Variants in DCAF10 observed in about 807,000 individuals in gnomAD.
DCAF10 encodes the protein DDB1- and CUL4-associated factor 10.
A neutral mutation model predicts 51.9 loss-of-function variants in DCAF10; 19 were observed. The ratio of observed to expected loss-of-function variants is 0.37; its 90% confidence interval spans 0.26 to 0.54. The LOEUF is 0.54. Among genes scored for constraint, DCAF10 ranks in the 20% least tolerant of loss-of-function variants. The pLI is 0.87. For synonymous variants in DCAF10, 291 were observed against 297.1 expected (o/e 0.98, Z 0.21); for missense variants, 510 against 730.6 (o/e 0.70, Z 3.48).
chr9:37,852,985 A>G (rs1830726991), intron 3 of DCAF10, among the ~76,000 whole-genome samples: 1 of 142,586 alleles, frequency 7.0e-6, no homozygotes, highest in Non-Finnish European at 1.5e-5. Flanking sequence ...TGATTTAGCT[A>G]TTCCACAATA....
intron 2 of DCAF10, among the ~76,000 whole-genome samples, chr9:37,840,618 T>C (rs1234112909): frequency 1.3e-5 from 2 of 152,212 alleles, no homozygotes; most frequent in Non-Finnish European, 2.9e-5. Flanking sequence ...TAAAAATTCA[T>C]GAAGTAAAAA....
chr9:37,807,298 A>AG (rs1272949432), intron 1 of DCAF10, among the ~76,000 whole-genome samples: 1 of 152,148 alleles, frequency 6.6e-6, no homozygotes, highest in Non-Finnish European at 1.5e-5. Flanking sequence ...GGGGCAACAT[A>AG]GGGAGACCTT....
chr9:37,831,819 G>A (rs1480479531), intron 2 of DCAF10, among the ~76,000 whole-genome samples: 4 of 152,022 alleles, frequency 2.6e-5, no homozygotes, highest in African/African-American at 4.8e-5. Context: ...CGTGGTGGCC[G>A]GCATCTGTAA....
At chr9:37,802,124 T>A (rs545836756) in intron 1 of DCAF10, among the ~76,000 whole-genome samples, 1 of 152,300 alleles carries the variant, frequency 6.6e-6, no homozygotes, top group Non-Finnish European at 1.5e-5. Flanking sequence ...ATGTAATTCT[T>A]ACCCCACCAA....
Position 37,835,667 on chromosome 9 carries a change from G to C in DCAF10, c.654-6422G>C, listed in dbSNP as rs537984820. ...GCAGGAGAATCGCTTGAACCCGGGAGGCGGAGGTTGCAGAGAGCTGAGAGT... is the reference window on the plus strand; with the variant it reads ...GCAGGAGAATCGCTTGAACCCGGGACGCGGAGGTTGCAGAGAGCTGAGAGT... On this transcript the variant is annotated intron_variant, in intron 2 of 6. Coordinates refer to ENST00000377724, the MANE Select transcript of DCAF10 (RefSeq NM_024345.5). Among the ~76,000 whole-genome samples, 11 of 152,176 alleles carry C rather than the reference G, an allele frequency of 7.2e-5. No individual in the cohort carries two copies. The East Asian group carries it at 2.1e-3, about 29-fold the overall frequency.
chr9:37,850,651 G>A (rs898124740), intron 3 of DCAF10, among the ~76,000 whole-genome samples: 1 of 150,646 alleles, frequency 6.6e-6, no homozygotes, highest in Non-Finnish European at 1.5e-5. Flanking sequence ...GGGAAACTTT[G>A]GTCAAAAAAT....
chr9:37,846,451 A>T (rs1188236343), intron 3 of DCAF10, among the ~76,000 whole-genome samples: 1 of 152,220 alleles, frequency 6.6e-6, no homozygotes, highest in Non-Finnish European at 1.5e-5. Context: ...TTGACTTAAG[A>T]TAAATAGAAA....
rs144524647 is a variant in DCAF10 at position 37,821,090 on chromosome 9, C to CATATATATAT, written c.653+1695_653+1704dup. The stretch of plus-strand genomic sequence containing the variant: ...CTAAGATAATTGTTGCATATACAAA[C>CATATATATAT]ATATATATATATATACACACACACA... On this transcript the variant is annotated intron_variant, in intron 2 of 6. Transcript: ENST00000377724. Among the ~76,000 whole-genome samples the CATATATATAT allele has an allele frequency of 9.0e-3, 1,357 of 150,392 alleles. 16 individuals are homozygous for CATATATATAT. Among genetic ancestry groups the CATATATATAT allele is most frequent in the African/African-American group, 0.032 (1,290 of 40,878 alleles).
intron 1 of DCAF10, among the ~76,000 whole-genome samples, chr9:37,810,346 A>C (rs1829298155): frequency 6.6e-6 from 1 of 152,224 alleles, no homozygotes; most frequent in Non-Finnish European, 1.5e-5. Context: ...GTTCTAAAAA[A>C]TAGGAAAGCC....
At chr9:37,843,852 A>C (rs897632423) in intron 3 of DCAF10, among the ~76,000 whole-genome samples, 1 of 152,230 alleles carries the variant, frequency 6.6e-6, no homozygotes, top group Non-Finnish European at 1.5e-5. Flanking sequence ...CCAGTTAAAA[A>C]TAGACAGTGT....
intron 2 of DCAF10, 58 bp from the exon 3 acceptor site, chr9:37,842,031 C>A: frequency 6.6e-7 from 1 of 1,523,388 alleles, no homozygotes; most frequent in Non-Finnish European, 8.9e-7. Context: ...TTTCTCAAAT[C>A]AATTTTCCTT....
In DCAF10 at chr9:37,857,333, C is replaced by T. The variant is rs758997724; in HGVS notation, c.1147C>T (p.Arg383Ter). 6 of 1,606,676 alleles carry T rather than the reference C, an allele frequency of 3.7e-6. No homozygotes were observed. The highest frequency in any genetic ancestry group is 1.3e-5 in the African/African-American group (1 of 74,516). ...DSNSSEKHMS[R>*]ASQREGVSPR... ...TAATTCTTCTGAGAAACACATGTCA[C>T]GAGCCTCTCAAAGAGAAGGTAGGTT... Residue 383 changes from arginine to a stop codon, truncating the protein, a stop_gained, in exon 5 of 7, where the codon CGA becomes TGA. Transcript: ENST00000377724. LOFTEE classifies it high-confidence loss of function.
intron 3 of DCAF10, 107 bp from the exon 4 acceptor site, chr9:37,854,673 C>G: frequency 9.6e-7 from 1 of 1,037,644 alleles, no homozygotes; most frequent in Non-Finnish European, 1.4e-6. Context: ...TGACCAAGCT[C>G]TTCTCATCCT....
At chr9:37,817,554 C>T (rs566221174) in intron 1 of DCAF10, among the ~76,000 whole-genome samples, 5 of 151,920 alleles carry the variant, frequency 3.3e-5, no homozygotes, top group East Asian at 1.9e-4. Flanking sequence ...ACTGAGGTCG[C>T]GCCACCACAC....
At chr9:37,838,331 A>G (rs1034483257) in intron 2 of DCAF10, among the ~76,000 whole-genome samples, 4 of 152,170 alleles carry the variant, frequency 2.6e-5, no homozygotes, top group African/African-American at 7.2e-5. Context: ...TTAAAGACCT[A>G]TGTGGCAAGG....
At chr9:37,840,419 T>A (rs1213945164) in intron 2 of DCAF10, among the ~76,000 whole-genome samples, 1 of 152,154 alleles carries the variant, frequency 6.6e-6, no homozygotes, top group African/African-American at 2.4e-5. Context: ...GTGATATTGA[T>A]GATTTTTACC....
At chr9:37,835,528 A>C (rs1830133291) in intron 2 of DCAF10, among the ~76,000 whole-genome samples, 1 of 152,012 alleles carries the variant, frequency 6.6e-6, no homozygotes, top group Admixed American at 6.6e-5. Flanking sequence ...CAGTGAGCCG[A>C]GATCGCGCCA....
At chr9:37,856,364 T>A (rs1830848426) in intron 4 of DCAF10, among the ~76,000 whole-genome samples, 1 of 152,236 alleles carries the variant, frequency 6.6e-6, no homozygotes. Flanking sequence ...ATTTGCCTTT[T>A]AAGTTAAACA....
chr9:37,828,049 A>G (rs1829903234), intron 2 of DCAF10, among the ~76,000 whole-genome samples: 1 of 151,974 alleles, frequency 6.6e-6, no homozygotes, highest in Non-Finnish European at 1.5e-5. Flanking sequence ...ACCCCTGGCT[A>G]TTAAAAAAAA....
Sources: allele counts gnomAD v4.1 joint callset (sites outside exome capture counted in the v4.1 genomes callset), GRCh38; gene constraint gnomAD v4.1.1; transcripts MANE v1.5; gene names NCBI Gene and HGNC (gene_info 2026-07-23, HGNC 2026-07-21).